The following MRTFA variants were observed in gnomAD, a reference collection of about 807,000 sequenced individuals.
The protein encoded by MRTFA is myocardin-related transcription factor A.
MRTFA carries 20 observed loss-of-function variants against 83.5 expected under a neutral mutation model. The ratio of observed to expected loss-of-function variants is 0.24; its 90% CI spans 0.17 to 0.35. The LOEUF (loss-of-function observed/expected upper bound fraction) is 0.35, where lower values mean the gene tolerates loss of function less well. Ranked by LOEUF, MRTFA falls within the 10% of genes least tolerant of loss-of-function variation. MRTFA has a pLI of 1.00. For synonymous variants in MRTFA, 659 were observed against 541.2 expected, an observed-to-expected ratio of 1.22 and a Z score of -3.02; for missense variants, 1,200 against 1,224.7, an observed-to-expected ratio of 0.98 and a Z score of 0.30.
At chr22:40,526,020 T>TC (rs557789216) in intron 3 of MRTFA, among the ~76,000 whole-genome samples, 349 of 151,828 alleles carry the variant, frequency 2.3e-3, no homozygotes, top group Non-Finnish European at 3.8e-3. Context: ...AAAGTAACTT[T>TC]TTTTTTTTTT....
intron 4 of MRTFA, among the ~76,000 whole-genome samples, chr22:40,444,091 C>T (rs1390364393): frequency 1.3e-5 from 2 of 152,178 alleles, no homozygotes; most frequent in African/African-American, 4.8e-5. Context: ...CGAGATGGCA[C>T]CATCCCCACC....
chr22:40,438,340 C>G (rs2053210471), intron 4 of MRTFA, among the ~76,000 whole-genome samples: 1 of 152,246 alleles, frequency 6.6e-6, no homozygotes, highest in South Asian at 2.1e-4. Context: ...GCTTGATTCA[C>G]TTACAGGCCA....
intron 1 of MRTFA, among the ~76,000 whole-genome samples, chr22:40,619,393 G>A (rs1176812845): frequency 1.3e-5 from 2 of 152,138 alleles, no homozygotes; most frequent in Non-Finnish European, 2.9e-5. Context: ...CACGTTATTG[G>A]AAACTAACAG....
Position 40,529,625 on chromosome 22 carries a change from G to C in MRTFA, c.241+22481C>G, listed in dbSNP as rs567711242. ...ATAATAAAACAAATATTTTCAAATA[G>C]ATAACATGTATGTGGTATAAAACCA... On this transcript the variant is annotated intron_variant, in intron 3 of 14. Coordinates refer to ENST00000355630, the MANE Select transcript of MRTFA (RefSeq NM_020831.6). Among the ~76,000 whole-genome samples, 259 of 152,246 alleles carry C rather than the reference G, an allele frequency of 1.7e-3. 1 individual carries two copies. The highest frequency in any genetic ancestry group is 2.4e-3 in the Non-Finnish European group (166 of 68,032).
At chr22:40,438,889 A>G (rs753773931) in intron 4 of MRTFA, among the ~76,000 whole-genome samples, 2 of 152,188 alleles carry the variant, frequency 1.3e-5, no homozygotes, top group African/African-American at 4.8e-5. Context: ...ATGAATTCCT[A>G]TTTGGTCCTA....
intron 1 of MRTFA, among the ~76,000 whole-genome samples, chr22:40,613,757 A>C (rs2056414787): frequency 6.6e-6 from 1 of 152,094 alleles, no homozygotes; most frequent in Non-Finnish European, 1.5e-5. Flanking sequence ...AAAATACCCA[A>C]AAAATAGCCA....
chr22:40,411,758 G>A lies in MRTFA; in HGVS notation c.2728C>T (p.Leu910Phe). Reference sequence around the variant, plus strand: ...AGGAAGTCCTCCAGGCGTCCAGGGAGGGAGGGTGAGCCTGGAGGAGGTGGG... The same window carrying A: ...AGGAAGTCCTCCAGGCGTCCAGGGAAGGAGGGTGAGCCTGGAGGAGGTGGG... The change falls in exon 15 of 15, where the codon CTC becomes TTC. Residue 910 changes from leucine to phenylalanine, a missense_variant. Coordinates refer to ENST00000355630, the MANE Select transcript of MRTFA (RefSeq NM_020831.6). 6.5e-7 allele frequency: 1 copy of A among 1,543,700 alleles called. No individual in the cohort carries two copies. Among genetic ancestry groups the A allele is most frequent in the Non-Finnish European group, 8.8e-7 (1 of 1,139,078 alleles).
intron 1 of MRTFA, among the ~76,000 whole-genome samples, chr22:40,629,933 G>T (rs2056624028): frequency 6.6e-6 from 1 of 151,976 alleles, no homozygotes; most frequent in Admixed American, 6.6e-5. Flanking sequence ...GAGCTTAGAG[G>T]TGGAACTAGG....
chr22:40,571,803 AGT>A (rs1458029797), intron 2 of MRTFA, among the ~76,000 whole-genome samples: 1 of 151,090 alleles, frequency 6.6e-6, no homozygotes. Flanking sequence ...AGGTGCCTGT[AGT>A]CCCAGCTACT....
In MRTFA at chr22:40,411,359, C is replaced by T. The variant is rs779715608; in HGVS notation, c.*31G>A. On this transcript the variant is annotated 3_prime_UTR_variant, in exon 15 of 15. Transcript: ENST00000355630. ...CGCATTGGAGTACCCTGGCTCCCAG[C>T]CCCTTCCCCACCCCGTCTTGAGCCA... 6.5e-7 allele frequency: 1 copy of T among 1,529,876 alleles called. No individual in the cohort carries two copies. Among genetic ancestry groups the T allele is most frequent in the African/African-American group, 1.4e-5 (1 of 72,830 alleles). The allele number at this position is 1,529,876 out of a possible 1,614,324, so 94.8% of individuals were successfully genotyped here.
In MRTFA at chr22:40,625,442, CCTCT is replaced by C. The variant is rs201606996; in HGVS notation, c.-84+11032_-84+11035del. Among the ~76,000 whole-genome samples the C allele has an allele frequency of 4.7e-3, 671 of 144,118 alleles. 3 individuals are homozygous for C. Among genetic ancestry groups the C allele is most frequent in the Middle Eastern group, 0.029 (8 of 278 alleles). 94.5% of individuals were successfully genotyped at this position (144,118 alleles called of 152,430 possible). The stretch of plus-strand genomic sequence containing the variant: ...ACCAGCCCAGGCAACATAGCAAGGC[CCTCT>C]CTCTAAATAAATAAATAAATAAATA... On this transcript the variant is annotated intron_variant, in intron 1 of 14. Transcript: ENST00000355630.
intron 4 of MRTFA, 32 bp from the exon 5 acceptor site, chr22:40,435,586 C>G: frequency 6.2e-7 from 1 of 1,610,142 alleles, no homozygotes; most frequent in Non-Finnish European, 8.5e-7. Context: ...AGATTACCTT[C>G]AAGCGAAGCA....
At chr22:40,510,604 A>C (rs2054651485) in intron 3 of MRTFA, among the ~76,000 whole-genome samples, 1 of 152,158 alleles carries the variant, frequency 6.6e-6, no homozygotes, top group Non-Finnish European at 1.5e-5. Context: ...AAAAATTATT[A>C]TGTACCTGCT....
At chr22:40,536,377 GT>G (rs1389536821) in intron 3 of MRTFA, among the ~76,000 whole-genome samples, 1 of 102,540 alleles carries the variant, frequency 9.8e-6, no homozygotes, top group African/African-American at 3.7e-5. Flanking sequence ...CAGCGGAGCT[GT>G]CTCAGTCTTT....
At position 40,411,385 on chromosome 22, in the gene MRTFA, G is replaced by C. The variant is rs770027204; in HGVS notation, c.*5C>G. ...CCCTTCCCCACCCCGTCTTGAGCCA[G>C]AGAGCTACAAGCAGGAATCCCAGTG... On this transcript the variant is annotated 3_prime_UTR_variant, in exon 15 of 15. Transcript: ENST00000355630. The C allele has an allele frequency of 4.5e-6, 7 of 1,546,392 alleles. No individual in the cohort carries two copies. Among genetic ancestry groups the C allele is most frequent in the East Asian group, 4.6e-5 (2 of 43,840 alleles).
intron 3 of MRTFA, among the ~76,000 whole-genome samples, chr22:40,465,551 G>A (rs1410457133): frequency 6.6e-6 from 1 of 152,054 alleles, no homozygotes; most frequent in Non-Finnish European, 1.5e-5. Context: ...ACAGCCATAT[G>A]AAGATACATT....
chr22:40,427,065 G>A (rs182601193), intron 7 of MRTFA, among the ~76,000 whole-genome samples: 12 of 152,258 alleles, frequency 7.9e-5, no homozygotes, highest in Non-Finnish European at 1.2e-4. Context: ...TTCTTTTAGC[G>A]CACAAGTCAT....
chr22:40,568,387 G>A (rs2055736626), intron 2 of MRTFA, among the ~76,000 whole-genome samples: 1 of 152,180 alleles, frequency 6.6e-6, no homozygotes, highest in South Asian at 2.1e-4. Flanking sequence ...TCACTTAGTT[G>A]TGGTTATTAA....
Position 40,429,670 on chromosome 22 carries a change from G to A in MRTFA, c.537C>T (p.Gly179=). 1 of 1,614,140 alleles carries A rather than the reference G, an allele frequency of 6.2e-7. No individual in the cohort carries two copies. The highest frequency in any genetic ancestry group is 1.1e-5 in the South Asian group (1 of 91,088). The stretch of plus-strand genomic sequence containing the variant: ...TGTTCTTCTCCACCAGCTCCATGGG[G>A]CCAGGCCTCTGTGCAATCTTCTCAT... Residue 179 remains glycine (G), a synonymous_variant, in exon 7 of 15, where the codon GGC becomes GGT. Coordinates refer to ENST00000355630, the MANE Select transcript of MRTFA (RefSeq NM_020831.6).
Sources: gnomAD v4.1 joint callset for allele counts (sites outside exome capture counted in the v4.1 genomes callset) on GRCh38, gnomAD v4.1.1 for gene constraint, MANE v1.5 for transcripts, NCBI Gene and HGNC (gene_info 2026-07-23, HGNC 2026-07-21) for gene names.